The following CAP2 variants were observed in gnomAD, a reference collection of about 807,000 sequenced individuals.
CAP2 encodes the protein adenylyl cyclase-associated protein 2.
Under a neutral mutation model 57.7 loss-of-function variants are expected in CAP2, and 24 were observed. That is an observed-to-expected ratio of 0.42 (90% CI 0.30 to 0.58). CAP2 has a LOEUF of 0.58. Ranked by LOEUF, CAP2 falls within the 20% of genes least tolerant of loss-of-function variation. The pLI, the probability that CAP2 is intolerant of heterozygous loss-of-function variation, is 0.22. For missense variants in CAP2, 501 were observed against 590.3 expected, an observed-to-expected ratio of 0.85 and a Z score of 1.57; for synonymous variants, 194 against 207.2, an observed-to-expected ratio of 0.94 and a Z score of 0.55.
At chr6:17,491,939 C>T (rs1761551751) in intron 4 of CAP2, among the ~76,000 whole-genome samples, 1 of 152,246 alleles carries the variant, frequency 6.6e-6, no homozygotes, top group South Asian at 2.1e-4. Flanking sequence ...CAGATTTCTG[C>T]GGGCTTCCTC....
At chr6:17,490,948 C>T (rs999357380) in intron 4 of CAP2, among the ~76,000 whole-genome samples, 1 of 152,168 alleles carries the variant, frequency 6.6e-6, no homozygotes, top group African/African-American at 2.4e-5. Context: ...GTCTGTTTCC[C>T]GTGCAAGTAA....
At position 17,400,864 on chromosome 6, in the gene CAP2, C is replaced by CAA. The variant is rs11323666; in HGVS notation, c.-2+7133_-2+7134dup. Among the ~76,000 whole-genome samples the CAA allele has an allele frequency of 3.8e-5, 4 of 104,266 alleles. No homozygotes were observed. In the East Asian group the frequency reaches 1.4e-3, roughly 37 times the overall value. The allele number at this position is 104,266 out of a possible 152,430, so 68.4% of individuals were successfully genotyped here. On this transcript the variant is annotated intron_variant, in intron 1 of 12. Transcript: ENST00000229922. ...TGGGCAACAGAGTGAGACTCCGTCT[C>CAA]AAAAAAAAAAAAAAAAGAATCACTG...
At chr6:17,492,311 C>T (rs1214153368) in intron 4 of CAP2, among the ~76,000 whole-genome samples, 2 of 151,972 alleles carry the variant, frequency 1.3e-5, no homozygotes, top group Admixed American at 6.6e-5. Context: ...AATCAAAACA[C>T]AAATAAGTCT....
chr6:17,487,253 C>G (rs2113630260), intron 4 of CAP2, among the ~76,000 whole-genome samples: 1 of 152,282 alleles, frequency 6.6e-6, no homozygotes. Flanking sequence ...TATCAAGCCC[C>G]TGAGAAACAC....
At position 17,525,888 on chromosome 6, in the gene CAP2, C is replaced by G. The variant is rs572031211; in HGVS notation, c.636+11934C>G. ...ACGTCTGGGAACACAGAAGTATCCT[C>G]TCTTCCTAAACTATGAGCTCATTGA... On this transcript the variant is annotated intron_variant, in intron 7 of 12. Transcript: ENST00000229922. Among the ~76,000 whole-genome samples, 6 of 152,264 alleles carry G rather than the reference C, an allele frequency of 3.9e-5. No individual in the cohort carries two copies. The South Asian group carries it at 1.0e-3, about 26-fold the overall frequency.
intron 7 of CAP2, among the ~76,000 whole-genome samples, chr6:17,533,078 CAAAAAAAAAA>C (rs58337644): frequency 1.1e-5 from 1 of 87,556 alleles, no homozygotes. Context: ...CACCCCCCAC[CAAAAAAAAAA>C]AAAAAAAAAA....
intron 4 of CAP2, among the ~76,000 whole-genome samples, chr6:17,470,208 A>G (rs73375230): frequency 0.012 from 1,893 of 152,284 alleles, 45 homozygotes; most frequent in African/African-American, 0.044. Flanking sequence ...TTAACTTGGT[A>G]ATCCACTGAC....
At chr6:17,477,734 T>C (rs1386919995) in intron 4 of CAP2, among the ~76,000 whole-genome samples, 4 of 152,144 alleles carry the variant, frequency 2.6e-5, no homozygotes, top group Non-Finnish European at 5.9e-5. Context: ...AAACTATTGT[T>C]CCCATGTATA....
intron 3 of CAP2, among the ~76,000 whole-genome samples, chr6:17,457,077 T>A (rs895343098): frequency 2.0e-5 from 3 of 152,234 alleles, no homozygotes; most frequent in African/African-American, 7.2e-5. Context: ...CGGCAATAGA[T>A]GTTCCACCAG....
intron 11 of CAP2, among the ~76,000 whole-genome samples, chr6:17,548,112 A>C (rs370786068): frequency 6.6e-6 from 1 of 152,144 alleles, no homozygotes; most frequent in South Asian, 2.1e-4. Flanking sequence ...TCATGCCTGT[A>C]ATCCCAGCAC....
chr6:17,531,279 G>A, intron 7 of CAP2: 1 of 863,190 alleles, frequency 1.2e-6, no homozygotes, highest in South Asian at 1.3e-5. Context: ...CTTCACAAAG[G>A]TTCTGTTGAA....
chr6:17,403,033 T>C (rs986090040), intron 1 of CAP2, among the ~76,000 whole-genome samples: 1 of 152,188 alleles, frequency 6.6e-6, no homozygotes, highest in Non-Finnish European at 1.5e-5. Context: ...CAGCATTACA[T>C]TGATAAAAAC....
intron 1 of CAP2, among the ~76,000 whole-genome samples, chr6:17,395,927 A>C (rs1758653704): frequency 6.6e-6 from 1 of 152,180 alleles, no homozygotes; most frequent in South Asian, 2.1e-4. Flanking sequence ...TTGTATCCAC[A>C]ACATATAAAG....
chr6:17,453,075 A>G (rs1760456910), intron 3 of CAP2, among the ~76,000 whole-genome samples: 1 of 152,224 alleles, frequency 6.6e-6, no homozygotes, highest in African/African-American at 2.4e-5. Flanking sequence ...TTAATAATTT[A>G]TACTCCGTTC....
At chr6:17,474,193 T>G (rs989009666) in intron 4 of CAP2, among the ~76,000 whole-genome samples, 1,680 of 145,614 alleles carry the variant, frequency 0.012, 27 homozygotes, top group African/African-American at 0.041. Flanking sequence ...GTCTTTTTTT[T>G]TTTTTTTTTT....
intron 1 of CAP2, among the ~76,000 whole-genome samples, chr6:17,400,294 TATG>T (rs1349304148): frequency 2.0e-5 from 3 of 152,102 alleles, no homozygotes; most frequent in African/African-American, 7.2e-5. Context: ...GTCCTATTAT[TATG>T]CACAGTTTAA....
At chr6:17,531,395 T>C (rs899337166) in intron 7 of CAP2, 8 of 1,594,768 alleles carry the variant, frequency 5.0e-6, no homozygotes, top group East Asian at 2.2e-5. Flanking sequence ...TGCAGGTACA[T>C]AGAAGTTGCC....
chr6:17,476,994 C>A (rs1263947700), intron 4 of CAP2, among the ~76,000 whole-genome samples: 1 of 151,588 alleles, frequency 6.6e-6, no homozygotes, highest in Non-Finnish European at 1.5e-5. Flanking sequence ...GCCTCAGCCT[C>A]CCGAGTAGCT....
chr6:17,532,149 T>TC (rs1287319651), intron 7 of CAP2, among the ~76,000 whole-genome samples: 3 of 124,654 alleles, frequency 2.4e-5, no homozygotes, highest in Admixed American at 8.1e-5. Flanking sequence ...TTTTTTTTTT[T>TC]TTTTTTTTGG....
Sources: gnomAD v4.1 joint callset for allele counts (sites outside exome capture counted in the v4.1 genomes callset) on GRCh38, gnomAD v4.1.1 for gene constraint, MANE v1.5 for transcripts, NCBI Gene and HGNC (gene_info 2026-07-23, HGNC 2026-07-21) for gene names.